Variants in SPRY3 observed in about 807,000 individuals in gnomAD.
SPRY3 encodes the protein sprouty RTK signaling antagonist 3.
A neutral mutation model predicts 20.2 loss-of-function variants in SPRY3; 15 were observed. The ratio of observed to expected loss-of-function variants is 0.74; its 90% confidence interval spans 0.50 to 1.14. The LOEUF is 1.14. SPRY3 is among the 50% of genes most tolerant of loss of function. The probability of loss-of-function intolerance (pLI) is 0.00; values close to 1 mark genes in which losing one functional copy is unlikely to be tolerated. For missense variants in SPRY3, 364 were observed against 363.9 expected, an observed-to-expected ratio of 1.00 and a Z score of 0.00; for synonymous variants, 143 against 136.5, an observed-to-expected ratio of 1.05 and a Z score of -0.33.
intron 3 of SPRY3, among the ~76,000 whole-genome samples, chrX:155,770,095 G>A (rs1302465187): frequency 5.9e-5 from 9 of 152,202 alleles, no homozygotes; most frequent in South Asian, 2.1e-4. Flanking sequence ...CCTAAGAGCC[G>A]TTACACAGTA....
At chrX:155,670,380 G>A (rs2068036576) in intron 2 of SPRY3, among the ~76,000 whole-genome samples, 1 of 111,556 alleles carries the variant, frequency 9.0e-6, no homozygotes, top group Non-Finnish European at 1.9e-5. Context: ...TTTCCCTCTG[G>A]GGAAGCTTCT....
At chrX:155,658,594 A>G (rs1314145020) in intron 2 of SPRY3, among the ~76,000 whole-genome samples, 1 of 111,705 alleles carries the variant, frequency 9.0e-6, no homozygotes, top group Non-Finnish European at 1.9e-5. Flanking sequence ...AAGAGTCTTT[A>G]GTGTTTTCTA....
At chrX:155,674,989 T>G (rs1557355120) in intron 2 of SPRY3, among the ~76,000 whole-genome samples, 1 of 112,037 alleles carries the variant, frequency 8.9e-6, no homozygotes, top group African/African-American at 3.2e-5. Context: ...TTATAATTAA[T>G]CCAGTAAGCA....
intron 2 of SPRY3, among the ~76,000 whole-genome samples, chrX:155,766,058 T>C (rs2091326503): frequency 6.6e-6 from 1 of 152,168 alleles, no homozygotes; most frequent in South Asian, 2.1e-4. Context: ...AAAGAGAATT[T>C]ACAGGAGATT....
At chrX:155,617,661 G>A (rs141458832) in intron 1 of SPRY3, among the ~76,000 whole-genome samples, 1 of 111,420 alleles carries the variant, frequency 9.0e-6, no homozygotes, top group Non-Finnish European at 1.9e-5. Flanking sequence ...TGTTGGGACG[G>A]GTAAACATAT....
At chrX:155,738,993 G>C (rs2073903278) in intron 2 of SPRY3, among the ~76,000 whole-genome samples, 1 of 151,872 alleles carries the variant, frequency 6.6e-6, no homozygotes, top group African/African-American at 2.4e-5. Flanking sequence ...GCTGGCCAGA[G>C]GCAGCAGGCT....
intron 2 of SPRY3, among the ~76,000 whole-genome samples, chrX:155,692,219 G>A (rs1017641742): frequency 9.0e-6 from 1 of 110,821 alleles, no homozygotes; most frequent in Non-Finnish European, 1.9e-5. Flanking sequence ...TTGATTTTGA[G>A]TTAAATTTTG....
chrX:155,716,980 A>AT (rs1300864649), intron 2 of SPRY3, among the ~76,000 whole-genome samples: 13 of 84,190 alleles, frequency 1.5e-4, no homozygotes, highest in South Asian at 1.1e-3. Flanking sequence ...CTAAAATACA[A>AT]AATATATATA....
At chrX:155,762,610 G>C (rs752883508) in intron 2 of SPRY3, among the ~76,000 whole-genome samples, 2 of 152,084 alleles carry the variant, frequency 1.3e-5, no homozygotes, top group Non-Finnish European at 2.9e-5. Flanking sequence ...AGAGAAATCA[G>C]GATGAGCAGG....
intron 2 of SPRY3, among the ~76,000 whole-genome samples, chrX:155,759,368 TCTC>T (rs1228496862): frequency 1.3e-5 from 2 of 152,092 alleles, no homozygotes; most frequent in Admixed American, 1.3e-4. Context: ...CATTTTATAA[TCTC>T]CTCAATTACT....
At chrX:155,712,030 T>G (rs1396341656) in intron 2 of SPRY3, among the ~76,000 whole-genome samples, 1 of 151,908 alleles carries the variant, frequency 6.6e-6, no homozygotes, top group Non-Finnish European at 1.5e-5. Context: ...CTCTTGTTAT[T>G]TATTTATAGT....
chrX:155,649,210 T>C (rs2067968124), intron 1 of SPRY3, among the ~76,000 whole-genome samples: 1 of 111,792 alleles, frequency 8.9e-6, no homozygotes, highest in Non-Finnish European at 1.9e-5. Flanking sequence ...ACTGGTACCA[T>C]TCCTTTTGAA....
At chrX:155,675,841 C>G (rs926252304) in intron 2 of SPRY3, among the ~76,000 whole-genome samples, 10 of 111,736 alleles carry the variant, frequency 8.9e-5, no homozygotes, top group Non-Finnish European at 1.7e-4. Context: ...TTGTTATTTA[C>G]AGTAACTTAA....
At chrX:155,629,108 T>A (rs2067897755) in intron 1 of SPRY3, among the ~76,000 whole-genome samples, 1 of 108,722 alleles carries the variant, frequency 9.2e-6, no homozygotes, top group Admixed American at 9.8e-5. Context: ...CTGCACCCAT[T>A]AACTCGTCAT....
At position 155,706,647 on chromosome X, in the gene SPRY3, A is replaced by T. The variant is rs371804177; in HGVS notation, c.-282+49622A>T. Among the ~76,000 whole-genome samples the T allele has an allele frequency of 2.4e-4, 37 of 151,084 alleles. No homozygotes were observed. In the East Asian group the frequency reaches 6.2e-3, roughly 25 times the overall value. ...AGAAGACAATTACCAATATCAGGAA[A>T]GAATAATTCCCATTTAACTAAAGAC... On this transcript the variant is annotated intron_variant, in intron 2 of 3. Transcript: ENST00000675360.
intron 2 of SPRY3, among the ~76,000 whole-genome samples, chrX:155,672,887 A>G (rs1418948846): frequency 9.4e-6 from 1 of 106,405 alleles, no homozygotes; most frequent in Admixed American, 1.0e-4. Context: ...ATGCAGCCAT[A>G]AAAAATGATG....
At chrX:155,687,589 C>T (rs370080026) in intron 2 of SPRY3, among the ~76,000 whole-genome samples, 7 of 112,304 alleles carry the variant, frequency 6.2e-5, no homozygotes, top group African/African-American at 2.3e-4. Context: ...ATGCTTTCCT[C>T]AGCATTATAT....
At chrX:155,758,125 G>A (rs1204025452) in intron 2 of SPRY3, among the ~76,000 whole-genome samples, 2 of 152,128 alleles carry the variant, frequency 1.3e-5, no homozygotes, top group Non-Finnish European at 2.9e-5. Context: ...GTAATGAGAG[G>A]ATGAAACGAT....
intron 1 of SPRY3, among the ~76,000 whole-genome samples, chrX:155,646,012 G>T (rs1304256678): frequency 9.0e-6 from 1 of 111,681 alleles, no homozygotes; most frequent in Non-Finnish European, 1.9e-5. Context: ...TCTGTATGTG[G>T]ATATCCAGCT....
Sources: gnomAD v4.1 joint callset for allele counts (sites outside exome capture counted in the v4.1 genomes callset) on GRCh38, gnomAD v4.1.1 for gene constraint, MANE v1.5 for transcripts, NCBI Gene and HGNC (gene_info 2026-07-23, HGNC 2026-07-21) for gene names.